The following MAMLD1 variants were observed in gnomAD, a reference collection of about 807,000 sequenced individuals.
MAMLD1 encodes mastermind like domain containing 1.
Under a neutral mutation model 45.0 loss-of-function variants are expected in MAMLD1, and 14 were observed. The ratio of observed to expected loss-of-function variants is 0.31; its 90% confidence interval spans 0.21 to 0.49. MAMLD1 has a LOEUF of 0.49. Ranked by LOEUF, MAMLD1 falls within the 20% of genes least tolerant of loss-of-function variation. The probability of loss-of-function intolerance (pLI) is 0.99; values close to 1 mark genes in which losing one functional copy is unlikely to be tolerated. For synonymous variants in MAMLD1, 254 were observed against 247.8 expected, an observed-to-expected ratio of 1.02 and a Z score of -0.24; for missense variants, 543 against 603.6, an observed-to-expected ratio of 0.90 and a Z score of 1.05.
chrX:150,487,202 G>A (rs782198321), intron 5 of MAMLD1, among the ~76,000 whole-genome samples: 31 of 111,535 alleles, frequency 2.8e-4, no homozygotes, highest in Non-Finnish European at 4.7e-4. Flanking sequence ...TTAGGACTCA[G>A]GGATTTTTCT....
intron 5 of MAMLD1, among the ~76,000 whole-genome samples, chrX:150,495,256 T>C (rs2037342437): frequency 9.0e-6 from 1 of 111,013 alleles, no homozygotes; most frequent in East Asian, 2.8e-4. Flanking sequence ...CAAAAAACCT[T>C]AGTGGAAGAC....
chrX:150,424,394 G>T (rs1423377301), intron 1 of MAMLD1, among the ~76,000 whole-genome samples: 2 of 112,157 alleles, frequency 1.8e-5, no homozygotes, highest in African/African-American at 6.5e-5. Flanking sequence ...GACAGAGATT[G>T]GGAGTTCCTG....
intron 5 of MAMLD1, among the ~76,000 whole-genome samples, chrX:150,486,939 A>G (rs1557407655): frequency 8.9e-6 from 1 of 112,073 alleles, no homozygotes; most frequent in Non-Finnish European, 1.9e-5. Context: ...CTGTATAATG[A>G]GAGGATTGGA....
intron 1 of MAMLD1, among the ~76,000 whole-genome samples, chrX:150,373,492 G>A (rs1318366313): frequency 9.4e-6 from 1 of 106,729 alleles, no homozygotes; most frequent in African/African-American, 3.4e-5. Context: ...ACACACACAG[G>A]TACACACACA....
chrX:150,375,522 G>C (rs782718977), intron 1 of MAMLD1, among the ~76,000 whole-genome samples: 1 of 112,515 alleles, frequency 8.9e-6, no homozygotes, highest in Non-Finnish European at 1.9e-5. Flanking sequence ...CACCCCATGT[G>C]CATTTTAGGA....
chrX:150,455,957 T>C (rs782741551), intron 2 of MAMLD1, among the ~76,000 whole-genome samples: 1 of 110,627 alleles, frequency 9.0e-6, no homozygotes, highest in East Asian at 2.8e-4. Context: ...GAAACTACAA[T>C]AGGAGATTTC....
intron 1 of MAMLD1, among the ~76,000 whole-genome samples, chrX:150,398,540 CTGTCAGTGA>C (rs1336768645): frequency 1.7e-4 from 19 of 111,314 alleles, no homozygotes; most frequent in Non-Finnish European, 5.7e-5. Flanking sequence ...AGTAGGAAGG[CTGTCAGTGA>C]TAGTAATTAC....
chrX:150,510,088 G>A (rs1557409056), intron 7 of MAMLD1, 42 bp downstream of exon 7: 1 of 908,188 alleles, frequency 1.1e-6, no homozygotes, highest in East Asian at 3.1e-5. Context: ...GTGGGCAAGG[G>A]GTGCATATGT....
At chrX:150,442,474 C>G (rs1384932369) in intron 1 of MAMLD1, among the ~76,000 whole-genome samples, 1 of 111,213 alleles carries the variant, frequency 9.0e-6, no homozygotes, top group Non-Finnish European at 1.9e-5. Context: ...AGGGATCACT[C>G]TAGGTATTAC....
At chrX:150,389,375 G>A (rs781975820) in intron 1 of MAMLD1, among the ~76,000 whole-genome samples, 1 of 111,938 alleles carries the variant, frequency 8.9e-6, no homozygotes, top group Admixed American at 9.4e-5. Context: ...AATTTTCTTG[G>A]AGACTTCCTC....
At chrX:150,398,336 A>AGG (rs34920614) in intron 1 of MAMLD1, among the ~76,000 whole-genome samples, 23 of 74,990 alleles carry the variant, frequency 3.1e-4, no homozygotes, top group African/African-American at 4.8e-4. Context: ...GAAGAAGAAG[A>AGG]AGAAGAGGAA....
chrX:150,423,387 T>C (rs899249873), intron 1 of MAMLD1, among the ~76,000 whole-genome samples: 7 of 103,694 alleles, frequency 6.8e-5, no homozygotes, highest in African/African-American at 2.5e-4. Flanking sequence ...TGTGTGTGTT[T>C]GCACCTTTGG....
At chrX:150,486,927 T>G (rs1278556959) in intron 5 of MAMLD1, among the ~76,000 whole-genome samples, 1 of 112,150 alleles carries the variant, frequency 8.9e-6, no homozygotes, top group Non-Finnish European at 1.9e-5. Flanking sequence ...CAGTTTCCTA[T>G]TCTGTATAAT....
chrX:150,412,238 G>T (rs2034140918), intron 1 of MAMLD1, among the ~76,000 whole-genome samples: 1 of 111,159 alleles, frequency 9.0e-6, no homozygotes, highest in African/African-American at 3.3e-5. Context: ...GAGAGGGAAA[G>T]ATTTCAGTTC....
intron 1 of MAMLD1, among the ~76,000 whole-genome samples, chrX:150,410,908 G>A (rs1306070491): frequency 6.2e-5 from 7 of 112,220 alleles, no homozygotes; most frequent in Non-Finnish European, 1.3e-4. Flanking sequence ...CCGGTGGGCT[G>A]TGTGGAGCCC....
At chrX:150,458,564 G>C (rs1405598255) in intron 2 of MAMLD1, among the ~76,000 whole-genome samples, 3 of 111,902 alleles carry the variant, frequency 2.7e-5, no homozygotes, top group African/African-American at 9.8e-5. Flanking sequence ...CAAAACTAGA[G>C]ACCCAAACAC....
intron 1 of MAMLD1, among the ~76,000 whole-genome samples, chrX:150,440,320 A>G (rs1172570291): frequency 9.3e-6 from 1 of 107,467 alleles, no homozygotes; most frequent in Non-Finnish European, 1.9e-5. Context: ...ATTGGTCTGC[A>G]GGGTTTTTTT....
chrX:150,451,629 C>T (rs2035668120), intron 2 of MAMLD1, among the ~76,000 whole-genome samples: 1 of 111,530 alleles, frequency 9.0e-6, no homozygotes, highest in Non-Finnish European at 1.9e-5. Flanking sequence ...TTTTGATTTC[C>T]GCAGTTGATA....
In MAMLD1 at chrX:150,514,096, C is replaced by A. The variant is rs2037974589; in HGVS notation, c.*2137C>A. 3.5e-5 allele frequency: 9 copies of A among 258,883 alleles called. No homozygotes were observed. In the South Asian group the frequency reaches 2.3e-3, roughly 65 times the overall value. The allele number at this position is 258,883 out of a possible 1,213,427, so 21.3% of individuals were successfully genotyped here. A position where few individuals can be genotyped will look rare whatever the true frequency, so the allele number is the denominator to read the frequency against. Reference sequence around the variant, plus strand: ...ATTTTAATTGCCACCTCGTATTTCACCTCTACATTTGAAATCTGGCGTCTG... The same window carrying A: ...ATTTTAATTGCCACCTCGTATTTCAACTCTACATTTGAAATCTGGCGTCTG... On this transcript the variant is annotated 3_prime_UTR_variant, in exon 8 of 8. Coordinates refer to ENST00000370401, the MANE Select transcript of MAMLD1 (RefSeq NM_005491.5).
Sources: allele counts gnomAD v4.1 joint callset (sites outside exome capture counted in the v4.1 genomes callset), GRCh38; gene constraint gnomAD v4.1.1; transcripts MANE v1.5; gene names NCBI Gene and HGNC (gene_info 2026-07-23, HGNC 2026-07-21).